Variants in LINGO2 observed in about 807,000 individuals in gnomAD.
The protein encoded by LINGO2 is leucine rich repeat and Ig domain containing 2.
In LINGO2, 14 loss-of-function variants were observed where a neutral mutation model predicts 30.6. That is an observed-to-expected ratio of 0.46 (90% CI 0.30 to 0.72). The LOEUF (loss-of-function observed/expected upper bound fraction) is 0.72, where lower values mean the gene tolerates loss of function less well. LINGO2 is among the 30% of genes least tolerant of loss of function. The pLI is 0.07. For synonymous variants in LINGO2, 317 were observed against 288.5 expected (o/e 1.10, Z -1.00); for missense variants, 729 against 751.7 (o/e 0.97, Z 0.35).
At chr9:27,998,136 G>T (rs1821762639) in intron 5 of LINGO2, among the ~76,000 whole-genome samples, 1 of 151,912 alleles carries the variant, frequency 6.6e-6, no homozygotes, top group African/African-American at 2.4e-5. Context: ...TGTTTCTCTT[G>T]CTACTTGAAT....
At chr9:28,010,452 A>G (rs1250587903) in intron 5 of LINGO2, among the ~76,000 whole-genome samples, 1 of 152,130 alleles carries the variant, frequency 6.6e-6, no homozygotes, top group Non-Finnish European at 1.5e-5. Flanking sequence ...AAGCATTATA[A>G]TCCCTCCTTT....
chr9:28,106,197 A>G (rs192234959), intron 4 of LINGO2, among the ~76,000 whole-genome samples: 40 of 152,278 alleles, frequency 2.6e-4, no homozygotes, highest in African/African-American at 9.1e-4. Context: ...GTTTTCCATG[A>G]AATCAGTCCC....
At chr9:28,996,232 C>T in the LINGO2 span, among the ~76,000 whole-genome samples, 2 of 151,856 alleles carry the variant, frequency 1.3e-5, no homozygotes, top group Non-Finnish European at 2.9e-5. Flanking sequence ...CTGAAGTTTC[C>T]AGTATTTTTA....
rs1464552620 is a variant in LINGO2 at position 27,950,275 on chromosome 9, T to TA, written c.396dup (p.Lys133Ter). 6.2e-7 allele frequency: 1 copy of TA among 1,613,960 alleles called. No individual in the cohort carries two copies. The highest frequency in any genetic ancestry group is 8.5e-7 in the Non-Finnish European group (1 of 1,180,008). On this transcript the variant is annotated frameshift_variant, in exon 6 of 6. Coordinates refer to ENST00000379992, the Ensembl canonical transcript of LINGO2. LOFTEE classifies it high-confidence loss of function. ...ATCTTATTCTCACTAATGTCAAGCT[T>TA]AGTGAGATTGGACAGCCCCGTGAAT...
chr9:28,183,372 G>C (rs753360927), intron 4 of LINGO2, among the ~76,000 whole-genome samples: 1 of 152,004 alleles, frequency 6.6e-6, no homozygotes, highest in African/African-American at 2.4e-5. Context: ...CCATGGCACA[G>C]GTACACCTAT....
At chr9:28,312,484 A>T (rs1025253240) in intron 3 of LINGO2, among the ~76,000 whole-genome samples, 4 of 152,152 alleles carry the variant, frequency 2.6e-5, no homozygotes, top group African/African-American at 4.8e-5. Context: ...ATTACATTTT[A>T]AAAATAATGA....
chr9:28,504,494 T>A (rs1820022441), intron 1 of LINGO2, among the ~76,000 whole-genome samples: 1 of 151,914 alleles, frequency 6.6e-6, no homozygotes, highest in Non-Finnish European at 1.5e-5. Context: ...AAAAAATAAG[T>A]CCCTACTGTG....
chr9:28,415,248 C>G (rs113929956), intron 2 of LINGO2, among the ~76,000 whole-genome samples: 19 of 152,202 alleles, frequency 1.2e-4, no homozygotes, highest in African/African-American at 4.6e-4. Context: ...AGGAAACTAT[C>G]AAATCCCTGT....
At chr9:28,809,846 A>G in the LINGO2 span, among the ~76,000 whole-genome samples, 1 of 150,854 alleles carries the variant, frequency 6.6e-6, no homozygotes, top group African/African-American at 2.4e-5. Context: ...AGCTCATCAC[A>G]CTCCGGCTAT....
At chr9:27,939,250 C>T in the LINGO2 span, 1 of 152,162 alleles carries the variant, frequency 6.6e-6, no homozygotes, top group Non-Finnish European at 1.5e-5. Context: ...ACCATTAGAA[C>T]AATGAACTAC....
At chr9:28,888,576 T>G in the LINGO2 span, among the ~76,000 whole-genome samples, 1 of 152,228 alleles carries the variant, frequency 6.6e-6, no homozygotes, top group Non-Finnish European at 1.5e-5. Flanking sequence ...ACATAAGCAC[T>G]GGCACCATTC....
chr9:29,076,307 G>T, the LINGO2 span, among the ~76,000 whole-genome samples: 1 of 151,884 alleles, frequency 6.6e-6, no homozygotes, highest in Non-Finnish European at 1.5e-5. Flanking sequence ...ATATTTGCAT[G>T]GGACAGGGAG....
At chr9:28,863,169 A>G in the LINGO2 span, among the ~76,000 whole-genome samples, 1 of 152,086 alleles carries the variant, frequency 6.6e-6, no homozygotes, top group Non-Finnish European at 1.5e-5. Context: ...TGCTTTTTAC[A>G]AAAGTACTGC....
chr9:28,258,430 C>T lies in LINGO2; in HGVS notation c.-87+36778G>A, dbSNP rs138944988. On this transcript the variant is annotated intron_variant, in intron 4 of 5. Transcript: ENST00000379992. ...AAGTCATATAAAATTAAATTATGCA[C>T]TTAATTGTCAATATAAACATATAAA... is the stretch of plus-strand genomic sequence containing the variant. Among the ~76,000 whole-genome samples, 437 of 151,956 alleles carry T rather than the reference C, an allele frequency of 2.9e-3. 4 individuals carry two copies. Among genetic ancestry groups the T allele is most frequent in the African/African-American group, 9.7e-3 (404 of 41,498 alleles).
the LINGO2 span, among the ~76,000 whole-genome samples, chr9:28,861,226 A>T: frequency 8.8e-6 from 1 of 113,642 alleles, no homozygotes; most frequent in African/African-American, 3.6e-5. Context: ...AATATTATAT[A>T]AATATATAAT....
the LINGO2 span, among the ~76,000 whole-genome samples, chr9:28,842,552 G>A: frequency 1.3e-5 from 2 of 151,758 alleles, no homozygotes; most frequent in African/African-American, 2.4e-5. Context: ...GTATAAAGGT[G>A]GATGCTCTAA....
intron 1 of LINGO2, among the ~76,000 whole-genome samples, chr9:28,486,409 AC>A (rs1826164753): frequency 6.6e-6 from 1 of 152,152 alleles, no homozygotes; most frequent in African/African-American, 2.4e-5. Context: ...TTGAAGTCTG[AC>A]AAAAACTAGG....
chr9:28,702,372 T>C, the LINGO2 span, among the ~76,000 whole-genome samples: 2 of 151,912 alleles, frequency 1.3e-5, no homozygotes, highest in Non-Finnish European at 2.9e-5. Context: ...CCTATATCTA[T>C]TGATACAATC....
the LINGO2 span, among the ~76,000 whole-genome samples, chr9:28,954,625 T>G: frequency 6.6e-6 from 1 of 152,168 alleles, no homozygotes; most frequent in African/African-American, 2.4e-5. Flanking sequence ...GTTAACACAA[T>G]GAAGACACAA....
Sources: allele counts gnomAD v4.1 joint callset (sites outside exome capture counted in the v4.1 genomes callset), GRCh38; gene constraint gnomAD v4.1.1; transcripts MANE v1.5; gene names NCBI Gene and HGNC (gene_info 2026-07-23, HGNC 2026-07-21).